Variants in NCAM1 observed in about 807,000 individuals in gnomAD.
The protein encoded by NCAM1 is antigen recognized by monoclonal antibody 5.1H11.
In NCAM1, 14 loss-of-function variants were observed where a neutral mutation model predicts 109.8. The ratio of observed to expected loss-of-function variants is 0.13; its 90% CI spans 0.08 to 0.20. The LOEUF (loss-of-function observed/expected upper bound fraction) is 0.20. Ranked by LOEUF, NCAM1 falls within the 10% of genes least tolerant of loss-of-function variation. The probability of loss-of-function intolerance (pLI) is 1.00; values close to 1 mark genes in which losing one functional copy is unlikely to be tolerated. For missense variants in NCAM1, 774 were observed against 1,109.9 expected, an observed-to-expected ratio of 0.70 and a Z score of 4.30; for synonymous variants, 418 against 442.9, an observed-to-expected ratio of 0.94 and a Z score of 0.70.
At chr11:113,204,038 A>G (rs1189189765) in intron 2 of NCAM1, among the ~76,000 whole-genome samples, 2 of 152,212 alleles carry the variant, frequency 1.3e-5, no homozygotes, top group African/African-American at 4.8e-5. Context: ...GACCATGATA[A>G]CAACTAGTAC....
intron 1 of NCAM1, among the ~76,000 whole-genome samples, chr11:113,033,554 T>G (rs1952781138): frequency 6.6e-6 from 1 of 152,212 alleles, no homozygotes; most frequent in Admixed American, 6.5e-5. Flanking sequence ...TCCTCTACTA[T>G]GCAAAGAGAA....
intron 1 of NCAM1, among the ~76,000 whole-genome samples, chr11:113,179,898 GA>G (rs537868286): frequency 6.6e-6 from 1 of 152,272 alleles, no homozygotes; most frequent in East Asian, 1.9e-4. Context: ...AGTGGATGGG[GA>G]AGGATTCAAC....
At chr11:113,188,834 AGTGTGTGT>A (rs144748025) in intron 1 of NCAM1, among the ~76,000 whole-genome samples, 1 of 150,484 alleles carries the variant, frequency 6.6e-6, no homozygotes, top group African/African-American at 2.4e-5. Context: ...TGTGAGTGTG[AGTGTGTGT>A]GTGTGTGTCT....
intron 1 of NCAM1, among the ~76,000 whole-genome samples, chr11:113,089,156 T>C (rs1234514698): frequency 6.6e-6 from 1 of 151,980 alleles, no homozygotes; most frequent in East Asian, 1.9e-4. Context: ...CTACTAAAAA[T>C]ACAAAAATTA....
At chr11:113,037,939 G>T (rs1952945015) in intron 1 of NCAM1, among the ~76,000 whole-genome samples, 1 of 152,114 alleles carries the variant, frequency 6.6e-6, no homozygotes, top group Non-Finnish European at 1.5e-5. Context: ...TTTAGAGATT[G>T]TCTGGCCCAG....
chr11:113,270,715 G>A (rs573870105), intron 18 of NCAM1, among the ~76,000 whole-genome samples: 42 of 152,256 alleles, frequency 2.8e-4, no homozygotes, highest in African/African-American at 9.4e-4. Context: ...CCATGGGGTA[G>A]GGCAGCATTA....
chr11:113,237,953 TATAG>T lies in NCAM1; in HGVS notation c.1825+2805_1825+2808del, dbSNP rs1555118630. 3.6e-3 allele frequency among the ~76,000 whole-genome samples: 323 copies of T among 90,636 alleles called. 5 individuals carry two copies. Among genetic ancestry groups the T allele is most frequent in the Admixed American group, 7.2e-3 (66 of 9,104 alleles). 59.5% of individuals were successfully genotyped at this position (90,636 alleles called of 152,430 possible). A position where few individuals can be genotyped will look rare whatever the true frequency, so the allele number is the denominator to read the frequency against. On this transcript the variant is annotated intron_variant, in intron 14 of 19. Coordinates refer to ENST00000316851, the MANE Select transcript of NCAM1 (RefSeq NM_181351.5). ...AGATATATAGATATATATATAGATA[TATAG>T]ATAGATAGATAGATATAGATATATA...
Position 113,204,456 on chromosome 11 carries a change from G to A in NCAM1, c.298G>A (p.Gly100Ser), listed in dbSNP as rs1555112482. The change falls in exon 3 of 20, where the codon GGC becomes AGC. Residue 100 changes from glycine (G) to serine (S), a missense_variant. Coordinates refer to ENST00000316851, the MANE Select transcript of NCAM1 (RefSeq NM_181351.5). ...DAGIYKCVVT[G>S]EDGSESEATV... is the part of the protein sequence containing the mutation. ...CGGCATTTACAAGTGTGTGGTTACA[G>A]GCGAGGATGGCAGTGAGTCAGAGGC... 6.2e-7 allele frequency: 1 copy of A among 1,614,012 alleles called. No individual in the cohort carries two copies. The highest frequency in any genetic ancestry group is 2.2e-5 in the East Asian group (1 of 44,880).
chr11:113,014,372 G>A (rs915013175), intron 1 of NCAM1, among the ~76,000 whole-genome samples: 2 of 152,082 alleles, frequency 1.3e-5, no homozygotes, highest in East Asian at 3.9e-4. Context: ...GGGCCAGGGG[G>A]ACTTGTTTGT....
intron 7 of NCAM1, among the ~76,000 whole-genome samples, chr11:113,210,902 C>T (rs2552513): frequency 0.35 from 53,493 of 151,634 alleles, 10,000 homozygotes; most frequent in African/African-American, 0.47. Context: ...GGTGGCCAGG[C>T]TCCTGAAGAG....
intron 1 of NCAM1, among the ~76,000 whole-genome samples, chr11:113,073,554 G>A (rs1375850644): frequency 2.0e-5 from 3 of 152,164 alleles, no homozygotes; most frequent in Non-Finnish European, 4.4e-5. Flanking sequence ...CGACTTACTG[G>A]ATGATGTTTC....
At chr11:113,101,826 A>G (rs1939889780) in intron 1 of NCAM1, among the ~76,000 whole-genome samples, 1 of 152,244 alleles carries the variant, frequency 6.6e-6, no homozygotes, top group East Asian at 1.9e-4. Flanking sequence ...ATATAACTTA[A>G]CAAATTTGGC....
At chr11:113,238,200 TACA>T (rs1945230719) in intron 14 of NCAM1, among the ~76,000 whole-genome samples, 1 of 152,132 alleles carries the variant, frequency 6.6e-6, no homozygotes, top group South Asian at 2.1e-4. Flanking sequence ...TCATGAATGG[TACA>T]ACAACAGGCA....
chr11:113,162,811 ATCTCATTAACGAT>A (rs1942645423), intron 1 of NCAM1, among the ~76,000 whole-genome samples: 1 of 152,098 alleles, frequency 6.6e-6, no homozygotes, highest in South Asian at 2.1e-4. Flanking sequence ...TGGAGACGCG[ATCTCATTAACGAT>A]TCAACACGCC....
At chr11:112,994,347 A>C (rs1397849177) in intron 1 of NCAM1, among the ~76,000 whole-genome samples, 1 of 152,200 alleles carries the variant, frequency 6.6e-6, no homozygotes, top group Non-Finnish European at 1.5e-5. Flanking sequence ...GTCTGATGCC[A>C]ATCTGATTTT....
chr11:113,008,310 A>G (rs1012198740), intron 1 of NCAM1, among the ~76,000 whole-genome samples: 3 of 152,198 alleles, frequency 2.0e-5, no homozygotes, highest in African/African-American at 7.2e-5. Flanking sequence ...CAGGGGTCAC[A>G]TGGCCATTTC....
At position 113,275,505 on chromosome 11, in the gene NCAM1, C is replaced by T; in HGVS notation, c.*118C>T. ...ACACACACAAACACACATGCACACA[C>T]ACACATCTCATTTCTCTAGTGTCTT... On this transcript the variant is annotated 3_prime_UTR_variant, in exon 20 of 20. Coordinates refer to ENST00000316851, the MANE Select transcript of NCAM1 (RefSeq NM_181351.5). 1 of 1,231,524 alleles carries T rather than the reference C, an allele frequency of 8.1e-7. No homozygotes were observed. The highest frequency in any genetic ancestry group is 1.6e-5 in the South Asian group (1 of 63,690). 76.3% of individuals were successfully genotyped at this position (1,231,524 alleles called of 1,614,324 possible).
At chr11:113,178,850 C>T (rs1252402683) in intron 1 of NCAM1, among the ~76,000 whole-genome samples, 5 of 152,128 alleles carry the variant, frequency 3.3e-5, no homozygotes, top group African/African-American at 7.2e-5. Flanking sequence ...TCGAAGAGTC[C>T]GGGTGCTTTA....
intron 1 of NCAM1, among the ~76,000 whole-genome samples, chr11:113,135,936 A>C (rs1014281957): frequency 1.3e-5 from 2 of 152,196 alleles, no homozygotes; most frequent in African/African-American, 4.8e-5. Context: ...TTGTGGTTTC[A>C]TTTACTTTTA....
Sources: gnomAD v4.1 joint callset for allele counts (sites outside exome capture counted in the v4.1 genomes callset) on GRCh38, gnomAD v4.1.1 for gene constraint, MANE v1.5 for transcripts, NCBI Gene and HGNC (gene_info 2026-07-23, HGNC 2026-07-21) for gene names.